The following PDE4D variants were observed in gnomAD, a reference collection of about 807,000 sequenced individuals.
PDE4D encodes the protein 3',5'-cyclic-AMP phosphodiesterase 4D.
A neutral mutation model predicts 87.4 loss-of-function variants in PDE4D; 24 were observed. That is an observed-to-expected ratio of 0.27 (90% CI 0.20 to 0.39). PDE4D has a LOEUF of 0.39. Ranked by LOEUF, PDE4D falls within the 10% of genes least tolerant of loss-of-function variation. PDE4D has a pLI of 1.00. For synonymous variants in PDE4D, 384 were observed against 383.2 expected, an observed-to-expected ratio of 1.00 and a Z score of -0.02; for missense variants, 714 against 1,041.0, an observed-to-expected ratio of 0.69 and a Z score of 4.32.
chr5:60,371,242 G>GA (rs758331488), intron 1 of PDE4D, among the ~76,000 whole-genome samples: 2 of 152,174 alleles, frequency 1.3e-5, no homozygotes, highest in Non-Finnish European at 2.9e-5. Flanking sequence ...AACAGGATTA[G>GA]ATATAGCCAT....
At chr5:60,152,696 C>G (rs955602492) in intron 2 of PDE4D, among the ~76,000 whole-genome samples, 4 of 151,482 alleles carry the variant, frequency 2.6e-5, no homozygotes, top group Non-Finnish European at 5.9e-5. Context: ...ATGAGGCCAC[C>G]TGATTCTGGG....
chr5:59,989,338 A>G (rs1282847428), intron 2 of PDE4D, among the ~76,000 whole-genome samples: 1 of 151,896 alleles, frequency 6.6e-6, no homozygotes, highest in Non-Finnish European at 1.5e-5. Context: ...ACAGTATTAT[A>G]ATCTTATGGC....
intron 1 of PDE4D, among the ~76,000 whole-genome samples, chr5:59,490,012 TAAC>T (rs1258186058): frequency 6.6e-6 from 1 of 152,210 alleles, no homozygotes; most frequent in Non-Finnish European, 1.5e-5. Context: ...ACTGCCTTAA[TAAC>T]AACATTTTAA....
intron 1 of PDE4D, among the ~76,000 whole-genome samples, chr5:59,832,290 T>C (rs1381052595): frequency 6.6e-6 from 1 of 152,100 alleles, no homozygotes; most frequent in African/African-American, 2.4e-5. Context: ...GCCAGACCTC[T>C]AATTCACTAA....
intron 5 of PDE4D, among the ~76,000 whole-genome samples, chr5:59,122,823 C>A (rs769501646): frequency 5.9e-5 from 9 of 152,128 alleles, no homozygotes; most frequent in Admixed American, 6.5e-5. Context: ...AAACCCCTTA[C>A]CTATTAAGAA....
At chr5:60,401,815 G>T (rs1234887784) in intron 1 of PDE4D, among the ~76,000 whole-genome samples, 1 of 152,194 alleles carries the variant, frequency 6.6e-6, no homozygotes, top group Non-Finnish European at 1.5e-5. Context: ...TGCAGCATCT[G>T]CGTCAATCAA....
At chr5:59,458,933 GA>G (rs1340118030) in intron 1 of PDE4D, among the ~76,000 whole-genome samples, 2 of 152,170 alleles carry the variant, frequency 1.3e-5, no homozygotes, top group Non-Finnish European at 2.9e-5. Context: ...TGGTAAATTA[GA>G]AAAATTAACT....
At chr5:60,044,200 A>G (rs1292536605) in intron 2 of PDE4D, among the ~76,000 whole-genome samples, 3 of 152,034 alleles carry the variant, frequency 2.0e-5, no homozygotes, top group East Asian at 1.9e-4. Context: ...GAGGTGATGG[A>G]CACCCCAATT....
intron 1 of PDE4D, among the ~76,000 whole-genome samples, chr5:59,283,322 C>T (rs1034537277): frequency 6.6e-5 from 10 of 151,986 alleles, no homozygotes; most frequent in Non-Finnish European, 1.2e-4. Context: ...GGATCCTGTC[C>T]CCTTGACTCC....
chr5:59,665,611 C>G (rs760596544), intron 1 of PDE4D, among the ~76,000 whole-genome samples: 34 of 152,144 alleles, frequency 2.2e-4, no homozygotes, highest in Admixed American at 1.3e-3. Flanking sequence ...TTAGAGAGTA[C>G]AAATAAGCTG....
intron 5 of PDE4D, among the ~76,000 whole-genome samples, chr5:59,085,107 A>G (rs1767430762): frequency 6.6e-6 from 1 of 152,214 alleles, no homozygotes; most frequent in South Asian, 2.1e-4. Flanking sequence ...AAGACTCTAC[A>G]CAAAGATATT....
intron 1 of PDE4D, among the ~76,000 whole-genome samples, chr5:59,826,021 G>A (rs540524612): frequency 3.9e-5 from 6 of 152,286 alleles, no homozygotes; most frequent in African/African-American, 1.4e-4. Context: ...TGAACCAAGG[G>A]ATGTCAAATT....
At chr5:59,300,198 T>A (rs1769951595) in intron 1 of PDE4D, among the ~76,000 whole-genome samples, 1 of 151,514 alleles carries the variant, frequency 6.6e-6, no homozygotes, top group Non-Finnish European at 1.5e-5. Flanking sequence ...ACTTTATTAT[T>A]TCATGTGTGT....
At chr5:59,504,301 T>C (rs1436758435) in intron 1 of PDE4D, among the ~76,000 whole-genome samples, 1 of 152,226 alleles carries the variant, frequency 6.6e-6, no homozygotes, top group East Asian at 1.9e-4. Flanking sequence ...ATATGCACAT[T>C]AAGCCACAAT....
intron 3 of PDE4D, among the ~76,000 whole-genome samples, chr5:59,945,523 C>T (rs1055114896): frequency 6.6e-6 from 1 of 152,178 alleles, no homozygotes; most frequent in Admixed American, 6.6e-5. Context: ...TATTTCTATA[C>T]AGTGACTGAG....
rs1012996360 is a variant in PDE4D at position 60,077,063 on chromosome 5, C to A, written c.43-88346G>T. ...TGTGTTTTCATGCAGGCAGTGGTGG[C>A]TGCTCAAGGCAGGGGTGACTCTGCT... On this transcript the variant is annotated intron_variant, in intron 2 of 16. Coordinates refer to the PDE4D transcript ENST00000502484. Among the ~76,000 whole-genome samples the A allele has an allele frequency of 1.3e-5, 2 of 152,266 alleles. 1 individual carries two copies.
chr5:60,269,526 G>T (rs1750597486), intron 1 of PDE4D, among the ~76,000 whole-genome samples: 1 of 152,158 alleles, frequency 6.6e-6, no homozygotes, highest in Non-Finnish European at 1.5e-5. Context: ...AAACAATGCT[G>T]CTGTGAACAT....
intron 1 of PDE4D, among the ~76,000 whole-genome samples, chr5:60,358,463 C>A (rs1244657894): frequency 6.6e-6 from 1 of 152,116 alleles, no homozygotes; most frequent in African/African-American, 2.4e-5. Context: ...CTGACTGTAT[C>A]AGACATGTTA....
chr5:59,379,471 T>C (rs1037270902), intron 1 of PDE4D, among the ~76,000 whole-genome samples: 1 of 152,148 alleles, frequency 6.6e-6, no homozygotes, highest in African/African-American at 2.4e-5. Context: ...CTCATTTTCT[T>C]TATTTTTATA....
Sources: gnomAD v4.1 joint callset for allele counts (sites outside exome capture counted in the v4.1 genomes callset) on GRCh38, gnomAD v4.1.1 for gene constraint, MANE v1.5 for transcripts, NCBI Gene and HGNC (gene_info 2026-07-23, HGNC 2026-07-21) for gene names.